ARHGEF28: variants seen among roughly 807,000 people sequenced by gnomAD.
The protein encoded by ARHGEF28 is 190 kDa guanine nucleotide exchange factor.
In ARHGEF28, 152 loss-of-function variants were observed where a neutral mutation model predicts 206.6. The ratio of observed to expected loss-of-function variants is 0.74; its 90% confidence interval spans 0.64 to 0.84. The LOEUF is 0.84. Ranked by LOEUF, ARHGEF28 falls within the 40% of genes least tolerant of loss-of-function variation. ARHGEF28 has a pLI of 0.00. For synonymous variants in ARHGEF28, 763 were observed against 776.4 expected, an observed-to-expected ratio of 0.98 and a Z score of 0.29; for missense variants, 2,028 against 2,073.2, an observed-to-expected ratio of 0.98 and a Z score of 0.42.
intron 9 of ARHGEF28, among the ~76,000 whole-genome samples, chr5:73,796,618 T>C (rs1754836981): frequency 6.6e-6 from 1 of 152,234 alleles, no homozygotes; most frequent in Non-Finnish European, 1.5e-5. Context: ...GTGTTGCTAG[T>C]AGCTTGGCCA....
intron 2 of ARHGEF28, among the ~76,000 whole-genome samples, chr5:73,709,530 T>C (rs1042680072): frequency 3.9e-5 from 6 of 152,222 alleles, no homozygotes; most frequent in African/African-American, 1.4e-4. Context: ...GCAAGGGCCC[T>C]GAGCTTCTAA....
chr5:73,818,515 G>C (rs1212292580), intron 9 of ARHGEF28, among the ~76,000 whole-genome samples: 1 of 152,096 alleles, frequency 6.6e-6, no homozygotes, highest in Non-Finnish European at 1.5e-5. Flanking sequence ...TAAGTCACTA[G>C]AGAAATCCTT....
At chr5:73,865,147 C>T (rs1759632706) in intron 17 of ARHGEF28, among the ~76,000 whole-genome samples, 1 of 152,156 alleles carries the variant, frequency 6.6e-6, no homozygotes, top group Non-Finnish European at 1.5e-5. Context: ...GCCCTGGGTA[C>T]CTGCAAATGA....
chr5:73,930,762 C>A (rs7735085), intron 35 of ARHGEF28, among the ~76,000 whole-genome samples: 5,148 of 152,302 alleles, frequency 0.034, 284 homozygotes, highest in African/African-American at 0.12. Flanking sequence ...CTATGCCTCT[C>A]TCAACTTATC....
intron 2 of ARHGEF28, among the ~76,000 whole-genome samples, chr5:73,731,446 T>C (rs776694090): frequency 4.6e-5 from 7 of 152,166 alleles, no homozygotes; most frequent in Non-Finnish European, 8.8e-5. Flanking sequence ...ATGTAATACA[T>C]AGTGGCCATT....
chr5:73,819,037 C>T (rs1262958252), intron 9 of ARHGEF28, among the ~76,000 whole-genome samples: 2 of 152,226 alleles, frequency 1.3e-5, no homozygotes, highest in Non-Finnish European at 2.9e-5. Flanking sequence ...TTGGGGGTAT[C>T]ATAAAAAGAA....
chr5:73,660,914 C>CTA (rs1745557703), intron 1 of ARHGEF28, among the ~76,000 whole-genome samples: 1 of 152,146 alleles, frequency 6.6e-6, no homozygotes, highest in Non-Finnish European at 1.5e-5. Context: ...CCTAAGGGCC[C>CTA]TAGGACTTTT....
intron 2 of ARHGEF28, among the ~76,000 whole-genome samples, chr5:73,706,107 T>C (rs1748914175): frequency 6.6e-6 from 1 of 152,174 alleles, no homozygotes; most frequent in Non-Finnish European, 1.5e-5. Flanking sequence ...TTCACACCCT[T>C]GGGCCACACT....
intron 4 of ARHGEF28, among the ~76,000 whole-genome samples, chr5:73,753,859 G>T (rs914113655): frequency 6.6e-6 from 1 of 152,112 alleles, no homozygotes; most frequent in Admixed American, 6.6e-5. Context: ...TTTGAGAGAT[G>T]GGGTCTCACT....
chr5:73,641,357 T>C (rs1744083283), intron 1 of ARHGEF28, among the ~76,000 whole-genome samples: 1 of 151,876 alleles, frequency 6.6e-6, no homozygotes, highest in Non-Finnish European at 1.5e-5. Flanking sequence ...AAGACTGTCT[T>C]CTCCTGGATT....
intron 2 of ARHGEF28, among the ~76,000 whole-genome samples, chr5:73,705,521 A>T: frequency 6.6e-6 from 1 of 152,244 alleles, no homozygotes; most frequent in East Asian, 1.9e-4. Flanking sequence ...ATGCTTATTG[A>T]CTAGACTATT....
At chr5:73,700,742 TATAA>T (rs769268632) in intron 2 of ARHGEF28, among the ~76,000 whole-genome samples, 10 of 152,210 alleles carry the variant, frequency 6.6e-5, no homozygotes, top group Non-Finnish European at 1.2e-4. Flanking sequence ...AAGTGTCCCC[TATAA>T]ATATGTATAA....
At position 73,941,963 on chromosome 5, in the gene ARHGEF28, T is replaced by A. The variant is rs572611403; in HGVS notation, c.*950T>A. On this transcript the variant is annotated 3_prime_UTR_variant, in exon 36 of 36. Coordinates refer to ENST00000513042, the MANE Select transcript of ARHGEF28 (RefSeq NM_001177693.2). ...TTGTTCGGAAATACTTGTATGTATT[T>A]TGGTGTCAATAAATATCTTGTACCT... 20 of 152,332 alleles carry A rather than the reference T, an allele frequency of 1.3e-4. No individual in the cohort carries two copies. The highest frequency in any genetic ancestry group is 1.2e-3 in the East Asian group (6 of 5,182). The allele number at this position is 152,332 out of a possible 1,614,324, so 9.4% of individuals were successfully genotyped here.
intron 1 of ARHGEF28, among the ~76,000 whole-genome samples, chr5:73,635,272 G>T (rs760864182): frequency 2.7e-4 from 41 of 152,146 alleles, no homozygotes; most frequent in Non-Finnish European, 5.9e-5. Context: ...GAACCCAGGG[G>T]GCGGAGGTAG....
intron 18 of ARHGEF28, among the ~76,000 whole-genome samples, chr5:73,866,926 A>G (rs191665605): frequency 7.9e-5 from 12 of 152,312 alleles, no homozygotes; most frequent in African/African-American, 2.6e-4. Flanking sequence ...CGGGACAATT[A>G]TGCATGCAAA....
chr5:73,830,064 G>A (rs899448811), intron 9 of ARHGEF28, among the ~76,000 whole-genome samples: 15 of 152,116 alleles, frequency 9.9e-5, no homozygotes, highest in Non-Finnish European at 4.4e-5. Flanking sequence ...GGAGACACTG[G>A]GGCAATGCTA....
At position 73,823,227 on chromosome 5, in the gene ARHGEF28, C is replaced by T. The variant is rs1346920689; in HGVS notation, c.1025-9111C>T. 2.0e-5 allele frequency among the ~76,000 whole-genome samples: 3 copies of T among 152,152 alleles called. No homozygotes were observed. The East Asian group carries it at 5.8e-4, about 29-fold the overall frequency. On this transcript the variant is annotated intron_variant, in intron 9 of 35. Coordinates refer to ENST00000513042, the MANE Select transcript of ARHGEF28 (RefSeq NM_001177693.2). ...ATGCAGTTATGGAGAGTAAGTTTGG[C>T]AGATGGTTAAAAACAATTCTGTATG...
intron 2 of ARHGEF28, among the ~76,000 whole-genome samples, chr5:73,720,540 A>G (rs1284308739): frequency 6.6e-6 from 1 of 152,218 alleles, no homozygotes; most frequent in East Asian, 1.9e-4. Flanking sequence ...GCGGGTTAGA[A>G]GGGAAATAGG....
chr5:73,851,883 C>A (rs1758726380), intron 13 of ARHGEF28, among the ~76,000 whole-genome samples: 1 of 152,114 alleles, frequency 6.6e-6, no homozygotes, highest in Non-Finnish European at 1.5e-5. Context: ...CCTTATGTAT[C>A]ATTTCCCTTT....
Sources: gnomAD v4.1 joint callset for allele counts (sites outside exome capture counted in the v4.1 genomes callset) on GRCh38, gnomAD v4.1.1 for gene constraint, MANE v1.5 for transcripts, NCBI Gene and HGNC (gene_info 2026-07-23, HGNC 2026-07-21) for gene names.